Variants in DCAF8L2 observed in about 807,000 individuals in gnomAD.
DCAF8L2 encodes the protein DDB1- and CUL4-associated factor 8-like protein 2.
For missense variants in DCAF8L2, 430 were observed against 490.7 expected, an observed-to-expected ratio of 0.88 and a Z score of 1.17; for synonymous variants, 200 against 190.9, an observed-to-expected ratio of 1.05 and a Z score of -0.39.
intron 2 of DCAF8L2, among the ~76,000 whole-genome samples, chrX:27,634,168 T>C (rs1483805825): frequency 8.9e-6 from 1 of 111,823 alleles, no homozygotes; most frequent in Non-Finnish European, 1.9e-5. Context: ...CTTAACTGGA[T>C]TAGAGTTATA....
the DCAF8L2 span, among the ~76,000 whole-genome samples, chrX:27,472,700 T>C: frequency 8.9e-6 from 1 of 112,054 alleles, no homozygotes; most frequent in Non-Finnish European, 1.9e-5. Context: ...GTTTCATCTA[T>C]GTCCCTGAAA....
the DCAF8L2 span, among the ~76,000 whole-genome samples, chrX:27,539,710 C>T: frequency 2.0e-5 from 2 of 99,037 alleles, no homozygotes; most frequent in East Asian, 6.8e-4. Context: ...TAGTTAAGTG[C>T]AGAAAATTAT....
At chrX:27,484,030 G>A in the DCAF8L2 span, among the ~76,000 whole-genome samples, 2 of 111,809 alleles carry the variant, frequency 1.8e-5, no homozygotes, top group East Asian at 5.6e-4. Flanking sequence ...TAGGCATATT[G>A]TTGGCATCTA....
the DCAF8L2 span, chrX:27,519,652 G>A: frequency 4.9e-6 from 3 of 616,155 alleles, no homozygotes; most frequent in Non-Finnish European, 8.5e-6. Context: ...AAATGAAGGG[G>A]TAATGAACCA....
At chrX:27,480,998 G>C in the DCAF8L2 span, among the ~76,000 whole-genome samples, 2 of 112,127 alleles carry the variant, frequency 1.8e-5, no homozygotes, top group Non-Finnish European at 3.8e-5. Flanking sequence ...GGTCGATGTT[G>C]TTGAAGTTTG....
chrX:27,542,486 G>A, the DCAF8L2 span, among the ~76,000 whole-genome samples: 165 of 106,280 alleles, frequency 1.6e-3, no homozygotes, highest in African/African-American at 5.5e-3. Flanking sequence ...TTTGTTAGCC[G>A]CAGGTATATC....
At chrX:27,717,246 C>A (rs1488499518) in intron 4 of DCAF8L2, among the ~76,000 whole-genome samples, 2 of 112,040 alleles carry the variant, frequency 1.8e-5, no homozygotes, top group Non-Finnish European at 3.8e-5. Flanking sequence ...TGGGTATATA[C>A]CCAGTAATGG....
chrX:27,517,224 A>C, the DCAF8L2 span, among the ~76,000 whole-genome samples: 1 of 112,041 alleles, frequency 8.9e-6, no homozygotes, highest in African/African-American at 3.2e-5. Context: ...ATTCTACATA[A>C]TGATCCAAGA....
chrX:27,541,272 CTGAG>C, the DCAF8L2 span, among the ~76,000 whole-genome samples: 7 of 111,777 alleles, frequency 6.3e-5, no homozygotes, highest in Non-Finnish European at 1.1e-4. Context: ...TGCTAACAGA[CTGAG>C]TGGGGAAACC....
At chrX:27,634,049 A>C (rs188209681) in intron 2 of DCAF8L2, among the ~76,000 whole-genome samples, 1 of 111,528 alleles carries the variant, frequency 9.0e-6, no homozygotes, top group Non-Finnish European at 1.9e-5. Context: ...TTCGAGGACA[A>C]GTTTATGTCC....
chrX:27,577,752 A>G, the DCAF8L2 span, among the ~76,000 whole-genome samples: 1 of 111,204 alleles, frequency 9.0e-6, no homozygotes, highest in African/African-American at 3.3e-5. Context: ...CCTACATACC[A>G]ACAGTATACA....
At chrX:27,586,979 G>T (rs73549417), upstream of DCAF8L2, among the ~76,000 whole-genome samples, 3,606 of 110,449 alleles carry the variant, frequency 0.033, 153 homozygotes, top group African/African-American at 0.11. Context: ...TGTGTTTCAA[G>T]ATTTTTTTTT....
the DCAF8L2 span, among the ~76,000 whole-genome samples, chrX:27,554,796 C>T: frequency 9.0e-6 from 1 of 111,182 alleles, no homozygotes; most frequent in Non-Finnish European, 1.9e-5. Context: ...CTGTCAGACC[C>T]GCAAAATCCT....
At chrX:27,626,065 A>G (rs1927993850) in intron 1 of DCAF8L2, among the ~76,000 whole-genome samples, 1 of 112,069 alleles carries the variant, frequency 8.9e-6, no homozygotes, top group Non-Finnish European at 1.9e-5. Flanking sequence ...ATAAAAGAGA[A>G]GTAGCTGATG....
At chrX:27,671,067 A>G (rs1428990818) in intron 2 of DCAF8L2, among the ~76,000 whole-genome samples, 1 of 111,700 alleles carries the variant, frequency 9.0e-6, no homozygotes, top group African/African-American at 3.3e-5. Context: ...AGGGGGTGGT[A>G]TGAGGTTCTG....
chrX:27,545,918 C>T, the DCAF8L2 span, among the ~76,000 whole-genome samples: 27 of 111,311 alleles, frequency 2.4e-4, no homozygotes, highest in African/African-American at 8.8e-4. Flanking sequence ...TGCCTCTTGC[C>T]CCTCCCAAAT....
intron 1 of DCAF8L2, among the ~76,000 whole-genome samples, chrX:27,603,249 G>A (rs1036615090): frequency 3.6e-5 from 4 of 111,479 alleles, no homozygotes; most frequent in Non-Finnish European, 5.7e-5. Context: ...TTCTATTGGA[G>A]TGATTGCTTT....
chrX:27,739,681 C>T (rs985584983), intron 4 of DCAF8L2, among the ~76,000 whole-genome samples: 1 of 111,747 alleles, frequency 8.9e-6, no homozygotes, highest in African/African-American at 3.3e-5. Context: ...CTCAATGTTT[C>T]GTGGACATTT....
the DCAF8L2 span, among the ~76,000 whole-genome samples, chrX:27,490,566 A>G: frequency 9.1e-6 from 1 of 110,217 alleles, no homozygotes; most frequent in African/African-American, 3.3e-5. Context: ...GGTTCAAGCA[A>G]TTCTCCTGCC....
Sources: allele counts gnomAD v4.1 joint callset (sites outside exome capture counted in the v4.1 genomes callset), GRCh38; gene constraint gnomAD v4.1.1; transcripts MANE v1.5; gene names NCBI Gene and HGNC (gene_info 2026-07-23, HGNC 2026-07-21).